The following LRRC37A2 variants were observed in gnomAD, a reference collection of about 807,000 sequenced individuals.
LRRC37A2 encodes leucine rich repeat containing 37 member A2, also known as leucine-rich repeat-containing protein 37A2.
Under a neutral mutation model 68.8 loss-of-function variants are expected in LRRC37A2, and 9 were observed. The observed-to-expected ratio is 0.13, with a 90% confidence interval of 0.08 to 0.23. LRRC37A2 has a LOEUF of 0.23. Ranked by LOEUF, LRRC37A2 falls within the 10% of genes least tolerant of loss-of-function variation. The probability of loss-of-function intolerance (pLI) is 1.00; values close to 1 mark genes in which losing one functional copy is unlikely to be tolerated. For synonymous variants in LRRC37A2, 63 were observed against 367.6 expected, an observed-to-expected ratio of 0.17 and a Z score of 9.48; for missense variants, 168 against 950.4, an observed-to-expected ratio of 0.18 and a Z score of 10.82.
chr17:46,952,640 T>A, the LRRC37A2 span: 1 of 152,128 alleles, frequency 6.6e-6, no homozygotes, highest in African/African-American at 2.4e-5. Context: ...GGAGACATCT[T>A]AACCTGAAGG....
chr17:46,786,706 C>G, the LRRC37A2 span, among the ~76,000 whole-genome samples: 7 of 152,304 alleles, frequency 4.6e-5, no homozygotes, highest in South Asian at 6.2e-4. Flanking sequence ...GTGCCGTGCT[C>G]TCTGTTACTG....
chr17:46,497,606 GTA>G, the LRRC37A2 span, among the ~76,000 whole-genome samples: 6 of 150,400 alleles, frequency 4.0e-5, no homozygotes, highest in Non-Finnish European at 5.9e-5. Flanking sequence ...ATGTGTGTGT[GTA>G]TGTGTGTATA....
chr17:46,969,986 C>G, the LRRC37A2 span, among the ~76,000 whole-genome samples: 1 of 152,122 alleles, frequency 6.6e-6, no homozygotes, highest in Non-Finnish European at 1.5e-5. Flanking sequence ...AAGCAGACAC[C>G]GGGGGTCAAA....
At chr17:46,876,219 A>C in the LRRC37A2 span, 2 of 1,572,008 alleles carry the variant, frequency 1.3e-6, no homozygotes, top group African/African-American at 2.7e-5. Context: ...GCCTCTGACC[A>C]CGCCTCTGTT....
At chr17:46,906,068 C>T in the LRRC37A2 span, among the ~76,000 whole-genome samples, 7 of 152,106 alleles carry the variant, frequency 4.6e-5, no homozygotes, top group East Asian at 1.2e-3. Flanking sequence ...TGGGTGGTTA[C>T]GAATGTGTTC....
At chr17:46,802,522 C>A in the LRRC37A2 span, among the ~76,000 whole-genome samples, 1 of 152,216 alleles carries the variant, frequency 6.6e-6, no homozygotes, top group Non-Finnish European at 1.5e-5. Flanking sequence ...CCTGCCTCGG[C>A]CTCCCAAAGT....
At chr17:46,823,065 AATAAAT>A in the LRRC37A2 span, among the ~76,000 whole-genome samples, 2 of 139,170 alleles carry the variant, frequency 1.4e-5, no homozygotes, top group African/African-American at 5.3e-5. Flanking sequence ...ATGTATTTAT[AATAAAT>A]ATGTATTTAT....
At chr17:46,852,334 C>T in the LRRC37A2 span, among the ~76,000 whole-genome samples, 1 of 151,936 alleles carries the variant, frequency 6.6e-6, no homozygotes, top group Admixed American at 6.6e-5. Context: ...GACCACATCT[C>T]AGACCTGGCA....
the LRRC37A2 span, among the ~76,000 whole-genome samples, chr17:46,946,679 A>G: frequency 6.6e-6 from 1 of 152,120 alleles, no homozygotes; most frequent in Non-Finnish European, 1.5e-5. Flanking sequence ...CCTGGCCAAC[A>G]TGGTGAAACC....
the LRRC37A2 span, among the ~76,000 whole-genome samples, chr17:46,977,750 C>A: frequency 4.6e-4 from 70 of 152,350 alleles, no homozygotes; most frequent in South Asian, 0.014. Context: ...CAAAGCAAGC[C>A]CTTAGAAGGG....
the LRRC37A2 span, chr17:46,851,675 T>G: frequency 7.6e-7 from 1 of 1,309,706 alleles, no homozygotes. This position sits in a 1 kb window ranked among gnomAD's most constrained non-coding sequence, Gnocchi z 4.3. Flanking sequence ...GGCCGGGCTC[T>G]GCCTGCTGGC....
chr17:47,038,329 T>C, the LRRC37A2 span, among the ~76,000 whole-genome samples: 13,352 of 151,306 alleles, frequency 0.088, 808 homozygotes, highest in Non-Finnish European at 0.13. Context: ...AAACAAAATG[T>C]TTGTGGCCAG....
the LRRC37A2 span, among the ~76,000 whole-genome samples, chr17:46,994,712 C>T: frequency 6.6e-6 from 1 of 152,170 alleles, no homozygotes; most frequent in South Asian, 2.1e-4. Context: ...CAGCATCAAG[C>T]AGTTGTCGGC....
chr17:46,930,854 C>T, the LRRC37A2 span: 29 of 438,882 alleles, frequency 6.6e-5, no homozygotes, highest in Admixed American at 1.1e-4. Context: ...ACAGATTTAC[C>T]TTCAGCTTTT....
the LRRC37A2 span, among the ~76,000 whole-genome samples, chr17:46,811,908 G>T: frequency 6.6e-6 from 1 of 152,192 alleles, no homozygotes; most frequent in African/African-American, 2.4e-5. Context: ...AGTGAGCCAA[G>T]ATTGTGCCAC....
At chr17:46,852,727 A>AC in the LRRC37A2 span, among the ~76,000 whole-genome samples, 171 of 152,022 alleles carry the variant, frequency 1.1e-3, no homozygotes, top group Middle Eastern at 0.01. Flanking sequence ...TAAAATCTTC[A>AC]CCCCAAATCA....
At chr17:46,894,427 T>C in the LRRC37A2 span, among the ~76,000 whole-genome samples, 1 of 152,228 alleles carries the variant, frequency 6.6e-6, no homozygotes, top group Non-Finnish European at 1.5e-5. Flanking sequence ...AGAAGGTCAC[T>C]GGCTGATGTG....
chr17:46,906,840 C>T, the LRRC37A2 span, among the ~76,000 whole-genome samples: 1 of 152,060 alleles, frequency 6.6e-6, no homozygotes, highest in East Asian at 1.9e-4. Context: ...GCAATGCCAC[C>T]TCCCAGAGGC....
the LRRC37A2 span, among the ~76,000 whole-genome samples, chr17:46,970,515 A>G: frequency 1.5e-5 from 2 of 130,702 alleles, no homozygotes; most frequent in African/African-American, 2.8e-5. Context: ...ACTCTAGCCC[A>G]GGCGACACAG....
Sources: allele counts gnomAD v4.1 joint callset (sites outside exome capture counted in the v4.1 genomes callset), GRCh38; gene constraint gnomAD v4.1.1; non-coding constraint Gnocchi (gnomAD v3.1); transcripts MANE v1.5; gene names NCBI Gene and HGNC (gene_info 2026-07-23, HGNC 2026-07-21).